Variants in TPH1 observed in about 807,000 individuals in gnomAD.
The protein encoded by TPH1 is tryptophan hydroxylase 1, also known as tryptophan 5-hydroxylase 1.
Under a neutral mutation model 49.5 loss-of-function variants are expected in TPH1, and 37 were observed. The ratio of observed to expected loss-of-function variants is 0.75; its 90% CI spans 0.58 to 0.98. The LOEUF (loss-of-function observed/expected upper bound fraction) is 0.98, where lower values mean the gene tolerates loss of function less well. TPH1 is among the 50% of genes least tolerant of loss of function. TPH1 has a pLI of 0.00. For synonymous variants in TPH1, 160 were observed against 182.1 expected (o/e 0.88, Z 0.98); for missense variants, 487 against 523.6 (o/e 0.93, Z 0.68).
Position 18,023,937 on chromosome 11 carries a change from T to A in TPH1, c.977A>T (p.Gln326Leu), listed in dbSNP as rs371332414. The change falls in exon 9 of 11, where the codon CAG (glutamine) becomes CTG (leucine). Residue 326 changes from glutamine to leucine, a missense_variant. Coordinates refer to ENST00000682019, the MANE Select transcript of TPH1 (RefSeq NM_004179.3). ...TAAGCCAGCACCAAAGACTCTTAGC[T>A]GTCCATCTTGTTTACATAGACCAAA... ...VEFGLCKQDGQLRVFGAGLLS... is the reference protein window; with the variant it reads ...VEFGLCKQDGLLRVFGAGLLS... The A allele has an allele frequency of 3.7e-6, 6 of 1,613,546 alleles. No homozygotes were observed. Among genetic ancestry groups the A allele is most frequent in the South Asian group, 1.1e-5 (1 of 91,072 alleles).
At chr11:18,023,680 T>A (rs1184148368) in intron 9 of TPH1, among the ~76,000 whole-genome samples, 1 of 152,088 alleles carries the variant, frequency 6.6e-6, no homozygotes, top group Non-Finnish European at 1.5e-5. Flanking sequence ...TTTATCTATC[T>A]ATCTATCTAT....
chr11:18,039,734 T>C (rs1480965045), intron 2 of TPH1, among the ~76,000 whole-genome samples: 1 of 152,198 alleles, frequency 6.6e-6, no homozygotes, highest in South Asian at 2.1e-4. Context: ...GTTTACTTTG[T>C]CCAGCTCCAC....
At position 18,017,831 on chromosome 11, in the gene TPH1, T is replaced by C. The variant is rs1048255164; in HGVS notation, c.*3160A>G. ...TTGTATAACTCCAAATGACAGAATATGTAGATAAAGAAATGTAGGTATTCT... is the reference window on the plus strand; with the variant it reads ...TTGTATAACTCCAAATGACAGAATACGTAGATAAAGAAATGTAGGTATTCT... On this transcript the variant is annotated 3_prime_UTR_variant, in exon 11 of 11. Transcript: ENST00000682019. The C allele has an allele frequency of 6.6e-6, 1 of 152,212 alleles. No homozygotes were observed. The highest frequency in any genetic ancestry group is 6.5e-5 in the Admixed American group (1 of 15,280). The allele number at this position is 152,212 out of a possible 1,614,324, so 9.4% of individuals were successfully genotyped here.
At chr11:18,039,914 T>C (rs1002540808) in intron 2 of TPH1, among the ~76,000 whole-genome samples, 30 of 152,058 alleles carry the variant, frequency 2.0e-4, no homozygotes, top group African/African-American at 7.0e-4. Context: ...TTTCCCTACA[T>C]GGTACACAAA....
At chr11:18,025,096 C>A (rs192859768) in intron 8 of TPH1, among the ~76,000 whole-genome samples, 21 of 152,338 alleles carry the variant, frequency 1.4e-4, no homozygotes, top group African/African-American at 5.1e-4. Context: ...AGGCCTTACT[C>A]ATCTTTGTAT....
Position 18,038,991 on chromosome 11 carries a change from G to A in TPH1, c.117+1655C>T, listed in dbSNP as rs568783212. On this transcript the variant is annotated intron_variant, in intron 2 of 10. Transcript: ENST00000682019. ...TAGTGTGAAGTTGATAACTTGAAAA[G>A]ACATATAAGAGCAATGTTTAGATTT... 2.0e-5 allele frequency among the ~76,000 whole-genome samples: 3 copies of A among 152,136 alleles called. No individual in the cohort carries two copies. In the East Asian group the frequency reaches 5.8e-4, roughly 29 times the overall value.
Position 18,020,862 on chromosome 11 carries a change from A to G in TPH1, c.*129T>C. ...ATTTTCAAAGACTAGTGATTCCTTA[A>G]GTAGTGGAATTCGATAATATTGTTT... On this transcript the variant is annotated 3_prime_UTR_variant, in exon 11 of 11. Coordinates refer to ENST00000682019, the MANE Select transcript of TPH1 (RefSeq NM_004179.3). The G allele has an allele frequency of 1.2e-6, 1 of 845,422 alleles. No individual in the cohort carries two copies. The highest frequency in any genetic ancestry group is 2.0e-6 in the Non-Finnish European group (1 of 498,024). The allele number at this position is 845,422 out of a possible 1,614,324, so 52.4% of individuals were successfully genotyped here.
chr11:18,035,132 C>T (rs774097964), intron 3 of TPH1, among the ~76,000 whole-genome samples: 16 of 152,186 alleles, frequency 1.1e-4, no homozygotes, highest in African/African-American at 1.4e-4. Context: ...AGGCCACGGA[C>T]GAGTCCCCTG....
chr11:18,019,490 T>G lies in TPH1; in HGVS notation c.*1501A>C, dbSNP rs894882190. 2.7e-6 allele frequency: 1 copy of G among 369,574 alleles called. No individual in the cohort carries two copies. Among genetic ancestry groups the G allele is most frequent in the Admixed American group, 3.5e-5 (1 of 28,262 alleles). 22.9% of individuals were successfully genotyped at this position (369,574 alleles called of 1,614,324 possible). ...TATTGAACAACCCCTATTCATTCTA[T>G]GTGGATGATGCCACATGAAGTTGTA... On this transcript the variant is annotated 3_prime_UTR_variant, in exon 11 of 11. Coordinates refer to ENST00000682019, the MANE Select transcript of TPH1 (RefSeq NM_004179.3).
chr11:18,032,498 A>G (rs928893548), intron 4 of TPH1, among the ~76,000 whole-genome samples: 2 of 149,208 alleles, frequency 1.3e-5, no homozygotes, highest in African/African-American at 5.0e-5. Flanking sequence ...GTTAGTCTCA[A>G]TTCCACCAAT....
At chr11:18,035,520 C>A (rs753975242) in intron 3 of TPH1, among the ~76,000 whole-genome samples, 3 of 151,390 alleles carry the variant, frequency 2.0e-5, no homozygotes, top group Non-Finnish European at 2.9e-5. Context: ...CCTCAACCTC[C>A]TGGGCTCAGG....
Position 18,019,565 on chromosome 11 carries a change from T to C in TPH1, c.*1426A>G, listed in dbSNP as rs930776412. On this transcript the variant is annotated 3_prime_UTR_variant, in exon 11 of 11. Transcript: ENST00000682019. ...ATCTACATAGACATCCAGGAGTTCG[T>C]TGGAATTAAGGGGCAAAAAAATTCA... 56 of 443,538 alleles carry C rather than the reference T, an allele frequency of 1.3e-4. No individual in the cohort carries two copies. The highest frequency in any genetic ancestry group is 7.3e-4 in the South Asian group (45 of 61,902). The allele number at this position is 443,538 out of a possible 1,614,324, so 27.5% of individuals were successfully genotyped here.
chr11:18,035,371 T>C lies in TPH1; in HGVS notation c.301+588A>G, dbSNP rs1396852281. Among the ~76,000 whole-genome samples, 10 of 149,028 alleles carry C rather than the reference T, an allele frequency of 6.7e-5. No homozygotes were observed. The Admixed American group carries it at 6.7e-4, about 10-fold the overall frequency. On this transcript the variant is annotated intron_variant, in intron 3 of 10. Transcript: ENST00000682019. The stretch of plus-strand genomic sequence containing the variant: ...CCAAATTGTCTGTCTTTCTTTTTCT[T>C]TCTTTCTTTCTTTTCTTTCTTTTTC...
At position 18,036,065 on chromosome 11, in the gene TPH1, G is replaced by A. The variant is rs1473937771; in HGVS notation, c.195C>T (p.Asp65=). Residue 65 remains aspartate (D), a synonymous_variant, in exon 3 of 11, where the codon GAC becomes GAT. Transcript: ENST00000682019. ...TCAATTGTTCTCTGTTGATGTCACA[G>A]TCAACAAAAATCTCAAATTCTGAGT... is the stretch of plus-strand genomic sequence containing the variant. ...RRNSEFEIFV[D]CDINREQLND... The A allele has an allele frequency of 1.9e-6, 3 of 1,612,744 alleles. No homozygotes were observed. The East Asian group carries it at 6.7e-5, about 36-fold the overall frequency.
In TPH1 at chr11:18,042,314, A is replaced by G. The variant is rs117371503; in HGVS notation, c.-26-1526T>C. Reference sequence around the variant, plus strand: ...AATTCAGGGATGGCCTCAGATAAGCATTCTCAAAATGTTTTTAGGGATGTG... The same window carrying G: ...AATTCAGGGATGGCCTCAGATAAGCGTTCTCAAAATGTTTTTAGGGATGTG... On this transcript the variant is annotated intron_variant, in intron 1 of 10. Transcript: ENST00000682019. 8.0e-5 allele frequency: 36 copies of G among 451,532 alleles called. No individual in the cohort carries two copies. The East Asian group carries it at 2.5e-3, about 31-fold the overall frequency. 28.0% of individuals were successfully genotyped at this position (451,532 alleles called of 1,614,324 possible). A position where few individuals can be genotyped will look rare whatever the true frequency, so the allele number is the denominator to read the frequency against.
At chr11:18,031,803 A>G (rs955514115) in intron 4 of TPH1, among the ~76,000 whole-genome samples, 13 of 152,100 alleles carry the variant, frequency 8.5e-5, no homozygotes, top group Non-Finnish European at 1.8e-4. Context: ...ATCTCCTGAA[A>G]TCTTTTAAGG....
intron 2 of TPH1, among the ~76,000 whole-genome samples, chr11:18,036,970 C>T (rs1016459480): frequency 2.0e-5 from 3 of 152,000 alleles, no homozygotes; most frequent in African/African-American, 4.8e-5. Context: ...AAAGAGTGTT[C>T]GGATGCAGGT....
chr11:18,027,460 C>G (rs542860241), intron 6 of TPH1, among the ~76,000 whole-genome samples: 1 of 152,202 alleles, frequency 6.6e-6, no homozygotes, highest in Non-Finnish European at 1.5e-5. Flanking sequence ...GACTGAGGAA[C>G]CAAACTCTTG....
rs1420033665 is a variant in TPH1 at position 18,025,658 on chromosome 11, C to T, written c.847G>A (p.Glu283Lys). Reference protein sequence around the residue: ...ELLGHVPLLAEPSFAQFSQEI... With the variant: ...ELLGHVPLLAKPSFAQFSQEI... Reference sequence around the variant, plus strand: ...TGGGAGAATTGGGCAAAACTAGGTTCAGCCAAAAGCGGGACATGACCTAAG... The same window carrying T: ...TGGGAGAATTGGGCAAAACTAGGTTTAGCCAAAAGCGGGACATGACCTAAG... Residue 283 changes from glutamate (E) to lysine (K), a missense_variant, in exon 8 of 11, where the codon GAA becomes AAA. Coordinates refer to ENST00000682019, the MANE Select transcript of TPH1 (RefSeq NM_004179.3). The T allele has an allele frequency of 2.0e-5, 32 of 1,614,010 alleles. No homozygotes were observed. Among genetic ancestry groups the T allele is most frequent in the South Asian group, 5.5e-5 (5 of 91,072 alleles).
Sources: gnomAD v4.1 joint callset for allele counts (sites outside exome capture counted in the v4.1 genomes callset) on GRCh38, gnomAD v4.1.1 for gene constraint, MANE v1.5 for transcripts, NCBI Gene and HGNC (gene_info 2026-07-23, HGNC 2026-07-21) for gene names.